Variants in SPINK9 observed in about 807,000 individuals in gnomAD.
The protein encoded by SPINK9 is serine peptidase inhibitor Kazal type 9, also known as serine protease inhibitor Kazal-type 9.
Under a neutral mutation model 10.8 loss-of-function variants are expected in SPINK9, and 3 were observed. The observed-to-expected ratio is 0.28, with a 90% CI of 0.13 to 0.72. The LOEUF (loss-of-function observed/expected upper bound fraction) is 0.72. Ranked by LOEUF, SPINK9 falls within the 30% of genes least tolerant of loss-of-function variation. The pLI is 0.74. For synonymous variants in SPINK9, 30 were observed against 31.2 expected (o/e 0.96, Z 0.12); for missense variants, 101 against 103.2 (o/e 0.98, Z 0.09).
rs181901459 is a variant in SPINK9 at position 148,326,143 on chromosome 5, A to C, written c.118+2275A>C. On this transcript the variant is annotated intron_variant, in intron 2 of 4. Coordinates refer to the SPINK9 transcript ENST00000511717. ...CAAATGGTCAACAGATATATGAAAA[A>C]ATGCTCAACATCTCTAATTACTAGA... Among the ~76,000 whole-genome samples the C allele has an allele frequency of 1.6e-3, 246 of 152,328 alleles. 1 individual carries two copies. Among genetic ancestry groups the C allele is most frequent in the Non-Finnish European group, 1.9e-3 (131 of 68,024 alleles).
intron 2 of SPINK9, among the ~76,000 whole-genome samples, chr5:148,329,823 G>A (rs1757122905): frequency 6.6e-6 from 1 of 152,184 alleles, no homozygotes; most frequent in African/African-American, 2.4e-5. Context: ...TTTTGAGTGA[G>A]TTTCCTAATC....
exon 2 of SPINK9, chr5:148,323,752 T>A (rs749938697): frequency 1.4e-6 from 1 of 697,646 alleles, no homozygotes; most frequent in African/African-American, 1.8e-5. Flanking sequence ...TGCATCTTTA[T>A]GGTCTTTATG....
At chr5:148,331,334 T>C (rs980760044), upstream of SPINK9, among the ~76,000 whole-genome samples, 2 of 152,202 alleles carry the variant, frequency 1.3e-5, no homozygotes, top group Admixed American at 1.3e-4. Context: ...TAGATGAAAC[T>C]AGAAGATATT....
chr5:148,334,728 C>T (rs531209537), upstream of SPINK9, among the ~76,000 whole-genome samples: 32 of 151,846 alleles, frequency 2.1e-4, no homozygotes, highest in African/African-American at 6.8e-4. Flanking sequence ...AAAAAGAAGA[C>T]GGTCTTTCTC....
At chr5:148,336,692 C>T (rs1422172984) in intron 2 of SPINK9, among the ~76,000 whole-genome samples, 4 of 152,194 alleles carry the variant, frequency 2.6e-5, no homozygotes, top group East Asian at 1.9e-4. Flanking sequence ...TTTTTGATCA[C>T]GTGGCCATGG....
intron 2 of SPINK9, 32 bp downstream of exon 2, chr5:148,336,485 T>G (rs771868457): frequency 1.9e-6 from 3 of 1,603,256 alleles, no homozygotes; most frequent in East Asian, 4.5e-5. Context: ...TTATGTAATT[T>G]TAAAGTCAAT....
Position 148,338,509 on chromosome 5 carries a change from C to A in SPINK9, c.119C>A (p.Pro40Gln), listed in dbSNP as rs1757247175. 6.2e-7 allele frequency: 1 copy of A among 1,606,204 alleles called. No homozygotes were observed. The highest frequency in any genetic ancestry group is 8.5e-7 in the Non-Finnish European group (1 of 1,176,890). Reference sequence around the variant, plus strand: ...TGCAGTCATTATAAAAAGTTACCACCAGGACAACAGAGATTTTGTCATCAT... The same window carrying A: ...TGCAGTCATTATAAAAAGTTACCACAAGGACAACAGAGATTTTGTCATCAT... The part of the protein sequence containing the change: ...VDCSHYKKLP[P>Q]GQQRFCHHMY... Residue 40 changes from proline to glutamine, a missense_variant, in exon 3 of 4, where the codon CCA becomes CAA. Coordinates refer to ENST00000377906, the MANE Select transcript of SPINK9 (RefSeq NM_001040433.2).
At chr5:148,333,731 G>A (rs1169622447), upstream of SPINK9, among the ~76,000 whole-genome samples, 1 of 152,136 alleles carries the variant, frequency 6.6e-6, no homozygotes, top group Admixed American at 6.5e-5. Flanking sequence ...TCCAAGCTCT[G>A]CCTCAGGAGT....
intron 2 of SPINK9, among the ~76,000 whole-genome samples, chr5:148,324,194 T>G (rs978784872): frequency 6.6e-6 from 1 of 152,128 alleles, no homozygotes; most frequent in Non-Finnish European, 1.5e-5. Context: ...ACATTTCTAT[T>G]CGTTAGAAAT....
At chr5:148,335,939 G>C (rs540978454) in intron 1 of SPINK9, among the ~76,000 whole-genome samples, 1 of 152,232 alleles carries the variant, frequency 6.6e-6, no homozygotes, top group Admixed American at 6.5e-5. Flanking sequence ...GCTTTGACTT[G>C]ATGTCACCAT....
intron 2 of SPINK9, among the ~76,000 whole-genome samples, chr5:148,337,269 T>C (rs983301376): frequency 1.3e-5 from 2 of 152,158 alleles, no homozygotes; most frequent in Non-Finnish European, 2.9e-5. Flanking sequence ...CGCTGGCATA[T>C]ACTTATCATC....
At chr5:148,323,073 A>T (rs1757016925) in intron 1 of SPINK9, among the ~76,000 whole-genome samples, 1 of 152,176 alleles carries the variant, frequency 6.6e-6, no homozygotes, top group South Asian at 2.1e-4. Context: ...TGGAATACAG[A>T]ACAGAACATG....
chr5:148,328,944 G>A (rs969729549), intron 2 of SPINK9, among the ~76,000 whole-genome samples: 2 of 152,134 alleles, frequency 1.3e-5, no homozygotes, highest in Non-Finnish European at 2.9e-5. Context: ...TGTTCATCAA[G>A]GATATTGGTC....
chr5:148,323,842 G>A (rs1757026443), exon 2 of SPINK9: 1 of 701,146 alleles, frequency 1.4e-6, no homozygotes, highest in Non-Finnish European at 2.6e-6. Flanking sequence ...AGACTCATGG[G>A]CTTAACGCAA....
intron 2 of SPINK9, among the ~76,000 whole-genome samples, chr5:148,329,954 T>C (rs971332097): frequency 6.6e-6 from 1 of 152,172 alleles, no homozygotes; most frequent in Non-Finnish European, 1.5e-5. Flanking sequence ...ATAGGTGTGG[T>C]GTGGTGCTGA....
intron 2 of SPINK9, among the ~76,000 whole-genome samples, chr5:148,327,268 A>G (rs1360223079): frequency 6.6e-6 from 1 of 152,104 alleles, no homozygotes; most frequent in Non-Finnish European, 1.5e-5. Flanking sequence ...GCCAGTGATG[A>G]TCATTTTTTC....
intron 2 of SPINK9, among the ~76,000 whole-genome samples, chr5:148,327,302 G>A (rs1414501540): frequency 6.6e-6 from 1 of 152,168 alleles, no homozygotes; most frequent in African/African-American, 2.4e-5. Flanking sequence ...CCGCATAAAT[G>A]TCTTCTTTTG....
intron 2 of SPINK9, among the ~76,000 whole-genome samples, chr5:148,324,608 C>G (rs1757035622): frequency 6.6e-6 from 1 of 151,946 alleles, no homozygotes; most frequent in African/African-American, 2.4e-5. Flanking sequence ...AAACATTCTA[C>G]AAAATCACTG....
chr5:148,337,067 A>C (rs1757226700), intron 2 of SPINK9, among the ~76,000 whole-genome samples: 1 of 152,152 alleles, frequency 6.6e-6, no homozygotes, highest in Non-Finnish European at 1.5e-5. Context: ...AAAGAAAATA[A>C]TAGGGTTAAG....
Sources: allele counts gnomAD v4.1 joint callset (sites outside exome capture counted in the v4.1 genomes callset), GRCh38; gene constraint gnomAD v4.1.1; transcripts MANE v1.5; gene names NCBI Gene and HGNC (gene_info 2026-07-23, HGNC 2026-07-21).